The following PSMD9 variants were observed in gnomAD, a reference collection of about 807,000 sequenced individuals.
PSMD9 encodes 26S proteasome non-ATPase regulatory subunit 9.
PSMD9 carries 26 observed loss-of-function variants against 25.9 expected under a neutral mutation model. That is an observed-to-expected ratio of 1.00 (90% CI 0.73 to 1.39). The LOEUF is 1.39. PSMD9 is among the 40% of genes most tolerant of loss of function. The pLI is 0.00. For missense variants in PSMD9, 303 were observed against 299.3 expected (o/e 1.01, Z -0.09); for synonymous variants, 110 against 114.5 (o/e 0.96, Z 0.25).
chr12:121,889,467 C>T (rs1184617386), intron 1 of PSMD9, among the ~76,000 whole-genome samples: 1 of 152,182 alleles, frequency 6.6e-6, no homozygotes, highest in Non-Finnish European at 1.5e-5. Flanking sequence ...ATCCTTCCAC[C>T]TCGGCCTTTC....
chr12:121,898,542 CTT>C (rs370294954), intron 2 of PSMD9: 7 of 139,614 alleles, frequency 5.0e-5, no homozygotes, highest in Admixed American at 1.5e-4. Flanking sequence ...TTATGCAGCA[CTT>C]TTTTTTTTTT....
chr12:121,907,229 C>A (rs1424782544), intron 4 of PSMD9, among the ~76,000 whole-genome samples: 4 of 151,776 alleles, frequency 2.6e-5, no homozygotes, highest in Admixed American at 1.3e-4. Flanking sequence ...GCCACCACGC[C>A]CAGCTAATTT....
intron 4 of PSMD9, among the ~76,000 whole-genome samples, chr12:121,912,640 C>A (rs372276889): frequency 6.6e-6 from 1 of 151,806 alleles, no homozygotes; most frequent in African/African-American, 2.4e-5. Flanking sequence ...CTGAGGCGGG[C>A]GGATCACTCG....
intron 4 of PSMD9, among the ~76,000 whole-genome samples, chr12:121,908,634 T>TA (rs1879629738): frequency 6.6e-6 from 1 of 152,104 alleles, no homozygotes; most frequent in Non-Finnish European, 1.5e-5. Context: ...AGCCAGGCCT[T>TA]AATCAAATAA....
chr12:121,889,366 C>T (rs1260859455), intron 1 of PSMD9, among the ~76,000 whole-genome samples: 1 of 152,172 alleles, frequency 6.6e-6, no homozygotes, highest in Non-Finnish European at 1.5e-5. Context: ...TCATGTGCCT[C>T]GCTGACTGCC....
chr12:121,913,315 A>G (rs529814264), intron 4 of PSMD9, among the ~76,000 whole-genome samples: 52 of 148,516 alleles, frequency 3.5e-4, no homozygotes, highest in Non-Finnish European at 6.6e-4. Flanking sequence ...TCCTGACCTC[A>G]TGATCCGCCT....
intron 2 of PSMD9, among the ~76,000 whole-genome samples, chr12:121,896,117 C>A (rs1879220849): frequency 6.7e-6 from 1 of 150,008 alleles, no homozygotes; most frequent in Non-Finnish European, 1.5e-5. Context: ...GAGCAAGAGA[C>A]CGTCTCAAAA....
intron 2 of PSMD9, chr12:121,897,211 C>G (rs1879259437): frequency 6.6e-6 from 1 of 152,110 alleles, no homozygotes; most frequent in African/African-American, 2.4e-5. Flanking sequence ...TCAAGTGATT[C>G]TCCAGCCTTA....
At chr12:121,913,186 T>C (rs903924413) in intron 4 of PSMD9, among the ~76,000 whole-genome samples, 2 of 152,022 alleles carry the variant, frequency 1.3e-5, no homozygotes, top group Admixed American at 6.6e-5. Flanking sequence ...CTTTGTGATC[T>C]GCCCACCTTG....
intron 1 of PSMD9, 115 bp downstream of exon 1, chr12:121,889,109 C>T: frequency 7.4e-7 from 1 of 1,351,962 alleles, no homozygotes; most frequent in Non-Finnish European, 1.0e-6. Context: ...CCCTGGGAGG[C>T]CCAAGGCGCC....
At chr12:121,905,225 CTTTTTTTT>C (rs1331388686) in intron 4 of PSMD9, among the ~76,000 whole-genome samples, 1 of 137,754 alleles carries the variant, frequency 7.3e-6, no homozygotes, top group African/African-American at 2.7e-5. Flanking sequence ...TTTTTCTTTT[CTTTTTTTT>C]TTTTTAGATG....
At chr12:121,898,499 C>T (rs561474694) in intron 2 of PSMD9, 1 of 152,136 alleles carries the variant, frequency 6.6e-6, no homozygotes, top group Admixed American at 6.5e-5. Context: ...TGGACTCCCT[C>T]TCCTGGACTG....
At chr12:121,897,399 A>G (rs993814214) in intron 2 of PSMD9, 1 of 152,144 alleles carries the variant, frequency 6.6e-6, no homozygotes, top group Non-Finnish European at 1.5e-5. Context: ...CAGCCTCCCA[A>G]GTAGCTGAGA....
At chr12:121,893,236 C>T (rs1243306428) in intron 1 of PSMD9, among the ~76,000 whole-genome samples, 3 of 152,288 alleles carry the variant, frequency 2.0e-5, no homozygotes, top group East Asian at 1.9e-4. Context: ...TAGCCCCTGG[C>T]GCATTTCTGC....
intron 2 of PSMD9, 97 bp downstream of exon 2, chr12:121,894,938 T>C: frequency 9.5e-7 from 1 of 1,048,396 alleles, no homozygotes; most frequent in Non-Finnish European, 1.4e-6. Flanking sequence ...TACTGCCTTC[T>C]CTTCTGCCTT....
At chr12:121,899,369 C>T in intron 2 of PSMD9, 2 of 456,136 alleles carry the variant, frequency 4.4e-6, no homozygotes, top group South Asian at 2.7e-5. Context: ...CCCTCATATC[C>T]TAGACTAGCG....
At chr12:121,894,892 A>C in intron 2 of PSMD9, 51 bp downstream of exon 2, 1 of 1,469,330 alleles carries the variant, frequency 6.8e-7, no homozygotes, top group South Asian at 1.2e-5. Flanking sequence ...GGAAGGTGTT[A>C]AAGGCATACA....
intron 1 of PSMD9, among the ~76,000 whole-genome samples, chr12:121,892,050 T>G (rs1186548806): frequency 6.6e-6 from 1 of 152,064 alleles, no homozygotes; most frequent in East Asian, 1.9e-4. Flanking sequence ...GAAAAAATGA[T>G]AAGTTGGACT....
intron 4 of PSMD9, among the ~76,000 whole-genome samples, chr12:121,905,295 G>A (rs1879521361): frequency 1.3e-5 from 2 of 149,754 alleles, no homozygotes; most frequent in South Asian, 2.1e-4. Context: ...TCTCGGGGGG[G>A]CTACTGCAAG....
Sources: allele counts gnomAD v4.1 joint callset (sites outside exome capture counted in the v4.1 genomes callset), GRCh38; gene constraint gnomAD v4.1.1; transcripts MANE v1.5; gene names NCBI Gene and HGNC (gene_info 2026-07-23, HGNC 2026-07-21).